SP140: variants seen among roughly 807,000 people sequenced by gnomAD.
SP140 encodes SP140 nuclear body protein.
A neutral mutation model predicts 125.0 loss-of-function variants in SP140; 81 were observed. The ratio of observed to expected loss-of-function variants is 0.65; its 90% CI spans 0.54 to 0.78. SP140 has a LOEUF of 0.78. SP140 is among the 30% of genes least tolerant of loss of function. The probability of loss-of-function intolerance (pLI) is 0.00; values close to 1 mark genes in which losing one functional copy is unlikely to be tolerated. For synonymous variants in SP140, 312 were observed against 354.0 expected (o/e 0.88, Z 1.33); for missense variants, 858 against 1,037.0 (o/e 0.83, Z 2.37).
At chr2:230,204,286 G>C (rs1002102243) in intron 1 of SP140, among the ~76,000 whole-genome samples, 9 of 152,166 alleles carry the variant, frequency 5.9e-5, no homozygotes, top group African/African-American at 2.2e-4. Context: ...ACCAGGGAGT[G>C]TTCATAATTG....
chr2:230,200,416 C>G (rs1321681279), upstream of SP140: 1 of 186,300 alleles, frequency 5.4e-6, no homozygotes, highest in Non-Finnish European at 1.1e-5. Context: ...GTCATAGTGT[C>G]ACATGTGTGT....
At chr2:230,229,456 C>CTTTTTTTT (rs1163771237) in intron 1 of SP140, among the ~76,000 whole-genome samples, 8 of 57,604 alleles carry the variant, frequency 1.4e-4, no homozygotes, top group Admixed American at 4.1e-4. Context: ...TGAAGAAATT[C>CTTTTTTTT]TTTTTTTTTT....
chr2:230,212,825 C>A (rs114550400), intron 1 of SP140: 2 of 1,613,998 alleles, frequency 1.2e-6, no homozygotes, highest in East Asian at 4.5e-5. Context: ...ATGGGCTGGG[C>A]GACTCACTCA....
chr2:230,205,775 C>T (rs1271950512), intron 1 of SP140, among the ~76,000 whole-genome samples: 3 of 152,176 alleles, frequency 2.0e-5, no homozygotes, highest in East Asian at 1.9e-4. Flanking sequence ...CAAACAAAGA[C>T]GCCCAGTGTG....
intron 7 of SP140, 75 bp downstream of exon 7, chr2:230,246,015 A>C (rs906959108): frequency 1.3e-5 from 11 of 836,500 alleles, no homozygotes; most frequent in Non-Finnish European, 1.8e-5. Flanking sequence ...CTCCCTTCCC[A>C]TTCCCCCATC....
intron 1 of SP140, among the ~76,000 whole-genome samples, chr2:230,231,265 T>C (rs2047192268): frequency 6.6e-6 from 1 of 152,268 alleles, no homozygotes; most frequent in South Asian, 2.1e-4. Context: ...CTGGTTTTGA[T>C]GATTACTTTG....
rs533829083 is a variant in SP140, at chr2:230,270,006, C to A, written c.1444+53C>A. ...GGGGTGGCTCAGTGGGCCCCACAGA[C>A]CCCCAGTAGGGTGGAGGTAGGTGCT... On this transcript the variant is annotated intron_variant, in intron 14 of 26. Transcript: ENST00000392045. 1.5e-5 allele frequency: 17 copies of A among 1,168,702 alleles called. No homozygotes were observed. In the Admixed American group the frequency reaches 1.6e-4, roughly 11 times the overall value. 72.4% of individuals were successfully genotyped at this position (1,168,702 alleles called of 1,614,324 possible).
intron 12 of SP140, among the ~76,000 whole-genome samples, chr2:230,258,496 C>T (rs2051632855): frequency 6.6e-6 from 1 of 152,234 alleles, no homozygotes; most frequent in African/African-American, 2.4e-5. Flanking sequence ...GCGTTTATCC[C>T]AAGTAAATTT....
At chr2:230,210,004 T>C (rs1211068569) in intron 1 of SP140, 3 of 1,589,120 alleles carry the variant, frequency 1.9e-6, no homozygotes, top group East Asian at 2.2e-5. Flanking sequence ...AATTATCTCT[T>C]ATCTCTGACA....
At chr2:230,310,182 G>C (rs1312304584) in intron 23 of SP140, 143 bp downstream of exon 23, 2 of 730,880 alleles carry the variant, frequency 2.7e-6, no homozygotes, top group South Asian at 1.9e-5. Flanking sequence ...GTGTGATCCA[G>C]AGAGCAGTGG....
intron 3 of SP140, among the ~76,000 whole-genome samples, chr2:230,219,352 A>G (rs563528643): frequency 6.6e-6 from 1 of 152,382 alleles, no homozygotes; most frequent in Admixed American, 6.5e-5. Context: ...TGGGAAGGTC[A>G]ACAGGTCCAA....
At chr2:230,204,711 C>G (rs747790828) in intron 1 of SP140, among the ~76,000 whole-genome samples, 3 of 151,880 alleles carry the variant, frequency 2.0e-5, no homozygotes, top group Non-Finnish European at 4.4e-5. Context: ...GTATTTGGAA[C>G]CTTCCAAAAG....
chr2:230,229,091 A>T (rs1313117184), intron 1 of SP140, among the ~76,000 whole-genome samples: 1 of 152,070 alleles, frequency 6.6e-6, no homozygotes, highest in Non-Finnish European at 1.5e-5. Flanking sequence ...AGTTTGTAAT[A>T]TATATTTACA....
chr2:230,223,224 A>G (rs1313693868), upstream of SP140, among the ~76,000 whole-genome samples: 4 of 151,958 alleles, frequency 2.6e-5, no homozygotes, highest in African/African-American at 9.7e-5. Context: ...TTTAGTAGAG[A>G]TGGGGTTTCA....
In SP140 at chr2:230,217,245, CA is replaced by C. The variant is rs6147220; in HGVS notation, c.-91+3191del. On this transcript the variant is annotated intron_variant, in intron 3 of 4. Transcript: ENST00000456542. Reference sequence around the variant, plus strand: ...TGGGTGACAGAGTGAGACTCCATCTCAAAAAAAAAAAAAAAAAAAATAGAAG... The same window carrying C: ...TGGGTGACAGAGTGAGACTCCATCTCAAAAAAAAAAAAAAAAAAATAGAAG... 2.8e-3 allele frequency among the ~76,000 whole-genome samples: 220 copies of C among 79,798 alleles called. 2 individuals are homozygous for C. The highest frequency in any genetic ancestry group is 0.013 in the Middle Eastern group (2 of 152). 52.4% of individuals were successfully genotyped at this position (79,798 alleles called of 152,430 possible).
rs56254538 is a variant in SP140 at position 230,274,796 on chromosome 2, CT to C, written c.1498+4158del. On this transcript the variant is annotated intron_variant, in intron 15 of 26. Coordinates refer to ENST00000392045, the MANE Select transcript of SP140 (RefSeq NM_007237.5). ...TTTCTGATTTTAAAATACTTGTTCCCTGTAAACTTTGCTGTACATATTTCTA... is the reference window on the plus strand; with the variant it reads ...TTTCTGATTTTAAAATACTTGTTCCCGTAAACTTTGCTGTACATATTTCTA... Among the ~76,000 whole-genome samples, 853 of 151,942 alleles carry C rather than the reference CT, an allele frequency of 5.6e-3. 9 individuals are homozygous for C. The highest frequency in any genetic ancestry group is 0.017 in the Middle Eastern group (5 of 294).
intron 1 of SP140, among the ~76,000 whole-genome samples, chr2:230,229,120 A>C (rs1333917084): frequency 1.3e-5 from 2 of 152,050 alleles, no homozygotes; most frequent in Non-Finnish European, 2.9e-5. Context: ...TGCCCATTTT[A>C]AATTACACTA....
In SP140 at chr2:230,306,021, C is replaced by T. The variant is rs565818828; in HGVS notation, c.2059-3903C>T. 1.9e-3 allele frequency among the ~76,000 whole-genome samples: 297 copies of T among 152,318 alleles called. 7 individuals carry two copies. Among genetic ancestry groups the T allele is most frequent in the Non-Finnish European group, 1.9e-4 (13 of 68,020 alleles). ...AGGAGGAACTTGAGCCAACATCACCCCTGCACCAGATGCTGGCCTGGGCCT... is the reference window on the plus strand; with the variant it reads ...AGGAGGAACTTGAGCCAACATCACCTCTGCACCAGATGCTGGCCTGGGCCT... On this transcript the variant is annotated intron_variant, in intron 22 of 26. Transcript: ENST00000392045.
intron 22 of SP140, among the ~76,000 whole-genome samples, chr2:230,307,013 C>T (rs1461230504): frequency 2.0e-5 from 3 of 152,258 alleles, no homozygotes; most frequent in African/African-American, 7.2e-5. Context: ...TCAGCATACA[C>T]TTCCTCCCCT....
Sources: gnomAD v4.1 joint callset for allele counts (sites outside exome capture counted in the v4.1 genomes callset) on GRCh38, gnomAD v4.1.1 for gene constraint, MANE v1.5 for transcripts, NCBI Gene and HGNC (gene_info 2026-07-23, HGNC 2026-07-21) for gene names.